GDAP2: variants seen among roughly 807,000 people sequenced by gnomAD.
The protein encoded by GDAP2 is ganglioside-induced differentiation-associated protein 2.
In GDAP2, 51 loss-of-function variants were observed where a neutral mutation model predicts 67.0. That is an observed-to-expected ratio of 0.76 (90% CI 0.61 to 0.96). GDAP2 has a LOEUF of 0.96. GDAP2 is among the 40% of genes least tolerant of loss of function. GDAP2 has a pLI of 0.00. For synonymous variants in GDAP2, 203 were observed against 207.3 expected (o/e 0.98, Z 0.18); for missense variants, 547 against 588.3 (o/e 0.93, Z 0.73).
At position 117,882,528 on chromosome 1, in the gene GDAP2, A is replaced by AT. The variant is rs1231429580; in HGVS notation, c.1248-652dup. 2.0e-5 allele frequency among the ~76,000 whole-genome samples: 3 copies of AT among 152,142 alleles called. No individual in the cohort carries two copies. In the South Asian group the frequency reaches 6.2e-4, roughly 32 times the overall value. On this transcript the variant is annotated intron_variant, in intron 11 of 13. Transcript: ENST00000369443. ...TCTGGCCTCTCTACGTGTGCCTGAGATTTTTTCAACAGTTCAGTAATCAAC... is the reference window on the plus strand; with the variant it reads ...TCTGGCCTCTCTACGTGTGCCTGAGATTTTTTTCAACAGTTCAGTAATCAAC...
At position 117,929,528 on chromosome 1, in the gene GDAP2, G is replaced by C. The variant is rs533518979; in HGVS notation, c.-148C>G. 1 of 152,734 alleles carries C rather than the reference G, an allele frequency of 6.5e-6. No homozygotes were observed. Among genetic ancestry groups the C allele is most frequent in the East Asian group, 1.9e-4 (1 of 5,172 alleles). The allele number at this position is 152,734 out of a possible 1,614,324, so 9.5% of individuals were successfully genotyped here. On this transcript the variant is annotated 5_prime_UTR_variant, in exon 1 of 14. Transcript: ENST00000369443. ...AAGGCGGCCGAGCGACATCTCCGGCGACCCTCAGCAGGAGCGCGCCGAGTA... is the reference window on the plus strand; with the variant it reads ...AAGGCGGCCGAGCGACATCTCCGGCCACCCTCAGCAGGAGCGCGCCGAGTA...
rs535339613 is a variant in GDAP2, at chr1:117,896,662, T to C, written c.953+171A>G. ...TAACTGTGGCCACTGATAACTTTCTTAACTTTGAGTTTTTGCACCTCCAAA... is the reference window on the plus strand; with the variant it reads ...TAACTGTGGCCACTGATAACTTTCTCAACTTTGAGTTTTTGCACCTCCAAA... On this transcript the variant is annotated intron_variant, in intron 8 of 13. Transcript: ENST00000369443. 51 of 459,214 alleles carry C rather than the reference T, an allele frequency of 1.1e-4. 1 individual carries two copies. In the South Asian group the frequency reaches 2.4e-3, roughly 21 times the overall value. 28.4% of individuals were successfully genotyped at this position (459,214 alleles called of 1,614,324 possible).
chr1:117,912,145 T>C (rs1649877793), intron 4 of GDAP2, 63 bp from the exon 5 acceptor site: 6 of 934,732 alleles, frequency 6.4e-6, no homozygotes, highest in African/African-American at 1.6e-5. Context: ...CACAACAATA[T>C]ATAAGTAATT....
intron 12 of GDAP2, among the ~76,000 whole-genome samples, 179 bp downstream of exon 12, chr1:117,881,644 A>C (rs1648649451): frequency 6.6e-6 from 1 of 152,168 alleles, no homozygotes; most frequent in South Asian, 2.1e-4. Context: ...TTGCCCACAA[A>C]GGCGCTGGAG....
In GDAP2 at chr1:117,877,677, G is replaced by A. The variant is rs114158947; in HGVS notation, c.1446+332C>T. ...CAATAAATTCTTCTGGCTCTGTGTAGATGGAAAGCCATTCAATCTTAAGAA... is the reference window on the plus strand; with the variant it reads ...CAATAAATTCTTCTGGCTCTGTGTAAATGGAAAGCCATTCAATCTTAAGAA... On this transcript the variant is annotated intron_variant, in intron 13 of 13. Coordinates refer to ENST00000369443, the MANE Select transcript of GDAP2 (RefSeq NM_017686.4). 1.6e-3 allele frequency: 1,621 copies of A among 1,036,546 alleles called. 25 individuals are homozygous for A. The African/African-American group carries it at 0.025, about 16-fold the overall frequency. 64.2% of individuals were successfully genotyped at this position (1,036,546 alleles called of 1,614,324 possible).
At chr1:117,915,456 T>G (rs1170283977) in intron 3 of GDAP2, among the ~76,000 whole-genome samples, 1 of 152,170 alleles carries the variant, frequency 6.6e-6, no homozygotes, top group Non-Finnish European at 1.5e-5. Context: ...TTGGATAAAA[T>G]AGCTGCTGCA....
chr1:117,873,694 C>A (rs906602442), intron 13 of GDAP2, among the ~76,000 whole-genome samples: 9 of 152,050 alleles, frequency 5.9e-5, no homozygotes, highest in African/African-American at 1.9e-4. Context: ...CCTAATCTGT[C>A]AATCCTTTTC....
intron 8 of GDAP2, among the ~76,000 whole-genome samples, chr1:117,893,087 T>C (rs1649145051): frequency 6.6e-6 from 1 of 152,130 alleles, no homozygotes; most frequent in Non-Finnish European, 1.5e-5. Flanking sequence ...CAGCACAACA[T>C]TTGGCACATT....
chr1:117,920,046 G>C (rs529063644), intron 2 of GDAP2, 136 bp downstream of exon 2: 4 of 514,004 alleles, frequency 7.8e-6, no homozygotes, highest in Non-Finnish European at 1.4e-5. Context: ...CTTATTAAAT[G>C]TCAATTATAC....
intron 13 of GDAP2, chr1:117,877,555 A>G (rs1648507030): frequency 1.0e-6 from 1 of 975,804 alleles, no homozygotes; most frequent in Non-Finnish European, 1.2e-6. Flanking sequence ...ATGCTCTTAA[A>G]AACATTATAC....
intron 1 of GDAP2, among the ~76,000 whole-genome samples, chr1:117,927,523 G>A (rs982644462): frequency 2.6e-5 from 4 of 152,048 alleles, no homozygotes; most frequent in African/African-American, 7.2e-5. Flanking sequence ...GCACTTGACC[G>A]CCATTAATTA....
Position 117,878,108 on chromosome 1 carries a change from C to T in GDAP2, c.1347G>A (p.Lys449=). ...GGCTGTCCACATGGTGGATTTTGTC[C>T]TTCAGTCCTGAGACAGAAAAGGTGG... ...FFTTFSVSGL[K]DKIHHVDSLH... Residue 449 remains lysine, a synonymous_variant, in exon 13 of 14, where the codon AAG becomes AAA. Coordinates refer to ENST00000369443, the MANE Select transcript of GDAP2 (RefSeq NM_017686.4). The T allele has an allele frequency of 6.2e-7, 1 of 1,609,998 alleles. No individual in the cohort carries two copies. The highest frequency in any genetic ancestry group is 8.5e-7 in the Non-Finnish European group (1 of 1,177,542).
rs1480819901 is a variant in GDAP2, at chr1:117,866,960, C to T, written c.*3609G>A. 1 of 151,682 alleles carries T rather than the reference C, an allele frequency of 6.6e-6. No homozygotes were observed. Among genetic ancestry groups the T allele is most frequent in the East Asian group, 1.9e-4 (1 of 5,180 alleles). The allele number at this position is 151,682 out of a possible 1,614,324, so 9.4% of individuals were successfully genotyped here. A position where few individuals can be genotyped will look rare whatever the true frequency, so the allele number is the denominator to read the frequency against. Reference sequence around the variant, plus strand: ...CCTGCAGTTCTTTTGGTCCTTAATACAATCAATCCACTGCCACTAGAACCA... The same window carrying T: ...CCTGCAGTTCTTTTGGTCCTTAATATAATCAATCCACTGCCACTAGAACCA... On this transcript the variant is annotated 3_prime_UTR_variant, in exon 14 of 14. Coordinates refer to ENST00000369443, the MANE Select transcript of GDAP2 (RefSeq NM_017686.4).
intron 3 of GDAP2, 93 bp from the exon 4 acceptor site, chr1:117,912,776 C>A (rs1649905921): frequency 9.0e-7 from 1 of 1,111,294 alleles, no homozygotes; most frequent in Non-Finnish European, 1.3e-6. Context: ...GTATTGAGAA[C>A]TTTGAGAAAT....
intron 13 of GDAP2, among the ~76,000 whole-genome samples, chr1:117,871,883 TATC>T (rs1330308942): frequency 6.6e-6 from 1 of 152,038 alleles, no homozygotes; most frequent in Non-Finnish European, 1.5e-5. Flanking sequence ...CAAACGAAAT[TATC>T]ATCAGAGTTG....
chr1:117,927,388 T>C (rs1246273885), intron 1 of GDAP2, among the ~76,000 whole-genome samples: 1 of 152,110 alleles, frequency 6.6e-6, no homozygotes, highest in South Asian at 2.1e-4. Flanking sequence ...TTTTTCTGGA[T>C]AGAAAGAAAA....
chr1:117,870,133 A>G lies in GDAP2; in HGVS notation c.*436T>C. 2 of 166,138 alleles carry G rather than the reference A, an allele frequency of 1.2e-5. No homozygotes were observed. Among genetic ancestry groups the G allele is most frequent in the East Asian group, 3.6e-4 (2 of 5,536 alleles). The allele number at this position is 166,138 out of a possible 1,614,324, so 10.3% of individuals were successfully genotyped here. On this transcript the variant is annotated 3_prime_UTR_variant, in exon 14 of 14. Coordinates refer to ENST00000369443, the MANE Select transcript of GDAP2 (RefSeq NM_017686.4). Reference sequence around the variant, plus strand: ...AATATACATGGTATTAACACCATGGATCTGAAGCAAACAATGCATCTGGTT... The same window carrying G: ...AATATACATGGTATTAACACCATGGGTCTGAAGCAAACAATGCATCTGGTT...
At chr1:117,900,210 G>A (rs1283504401) in intron 6 of GDAP2, among the ~76,000 whole-genome samples, 1 of 152,152 alleles carries the variant, frequency 6.6e-6, no homozygotes, top group South Asian at 2.1e-4. Flanking sequence ...CAAACTCCTG[G>A]ACTCAAGCAT....
rs767752189 is a variant in GDAP2 at position 117,881,803 on chromosome 1, C to G, written c.1302+20G>C. 12 of 1,385,852 alleles carry G rather than the reference C, an allele frequency of 8.7e-6. No individual in the cohort carries two copies. Among genetic ancestry groups the G allele is most frequent in the Admixed American group, 3.4e-5 (2 of 59,522 alleles). 85.8% of individuals were successfully genotyped at this position (1,385,852 alleles called of 1,614,324 possible). ...AGTGCACATAAATTCTAGATTTAACCAAAGAGAAAAATACTGTACCTTTGA... is the reference window on the plus strand; with the variant it reads ...AGTGCACATAAATTCTAGATTTAACGAAAGAGAAAAATACTGTACCTTTGA... On this transcript the variant is annotated intron_variant, in intron 12 of 13. Transcript: ENST00000369443.
Sources: gnomAD v4.1 joint callset for allele counts (sites outside exome capture counted in the v4.1 genomes callset) on GRCh38, gnomAD v4.1.1 for gene constraint, MANE v1.5 for transcripts, NCBI Gene and HGNC (gene_info 2026-07-23, HGNC 2026-07-21) for gene names.